The following LGR6 variants were observed in gnomAD, a reference collection of about 807,000 sequenced individuals.
LGR6 encodes the protein leucine-rich repeat-containing G protein-coupled receptor 6.
LGR6 carries 45 observed loss-of-function variants against 69.4 expected under a neutral mutation model. The ratio of observed to expected loss-of-function variants is 0.65; its 90% CI spans 0.51 to 0.83. LGR6 has a LOEUF of 0.83. Among genes scored for constraint, LGR6 ranks in the 40% least tolerant of loss-of-function variants. LGR6 has a pLI of 0.00. For missense variants in LGR6, 1,108 were observed against 1,246.7 expected, an observed-to-expected ratio of 0.89 and a Z score of 1.68; for synonymous variants, 538 against 555.0, an observed-to-expected ratio of 0.97 and a Z score of 0.43.
At chr1:202,269,911 T>G (rs1029344368) in intron 4 of LGR6, among the ~76,000 whole-genome samples, 1 of 152,000 alleles carries the variant, frequency 6.6e-6, no homozygotes, top group African/African-American at 2.4e-5. Context: ...TTTGCACGAG[T>G]GATTGCTTTT....
At chr1:202,282,372 A>G (rs1666078140) in intron 6 of LGR6, among the ~76,000 whole-genome samples, 1 of 152,176 alleles carries the variant, frequency 6.6e-6, no homozygotes, top group Non-Finnish European at 1.5e-5. Flanking sequence ...GGGTGCATTA[A>G]TGAGAAAACA....
At chr1:202,228,888 A>C (rs1660781102) in intron 3 of LGR6, among the ~76,000 whole-genome samples, 1 of 152,124 alleles carries the variant, frequency 6.6e-6, no homozygotes, top group African/African-American at 2.4e-5. Flanking sequence ...TAAAGTGGTG[A>C]GTCATTCCCA....
rs937668924 is a variant in LGR6, at chr1:202,268,060, G to A, written c.429-8246G>A. Among the ~76,000 whole-genome samples the A allele has an allele frequency of 1.8e-4, 27 of 152,156 alleles. No homozygotes were observed. The highest frequency in any genetic ancestry group is 4.8e-4 in the African/African-American group (20 of 41,434). On this transcript the variant is annotated intron_variant, in intron 4 of 17. Coordinates refer to ENST00000367278, the MANE Select transcript of LGR6 (RefSeq NM_001017403.2). The surrounding 1 kb of genome is among the most constrained non-coding windows in gnomAD (Gnocchi z 4.4). ...GAGAGGCTGGGAGGGGTGTCAGTCC[G>A]CGGGAAGGCAGAAGCTCATGAGCAT... is the stretch of plus-strand genomic sequence containing the variant.
chr1:202,302,140 C>T (rs964361019), intron 9 of LGR6, among the ~76,000 whole-genome samples: 5 of 152,146 alleles, frequency 3.3e-5, no homozygotes, highest in African/African-American at 1.2e-4. Flanking sequence ...TGCAGTGAGC[C>T]AAGACTCAGT....
chr1:202,310,810 A>C (rs529386075), intron 16 of LGR6, among the ~76,000 whole-genome samples: 2 of 152,184 alleles, frequency 1.3e-5, no homozygotes, highest in Non-Finnish European at 2.9e-5. Context: ...CCCTCATAAT[A>C]TGTCCTAGAA....
Position 202,303,356 on chromosome 1 carries a change from C to T in LGR6, c.998+9C>T, listed in dbSNP as rs1667746889. 4.4e-6 allele frequency: 7 copies of T among 1,608,440 alleles called. No homozygotes were observed. Among genetic ancestry groups the T allele is most frequent in the Non-Finnish European group, 6.0e-6 (7 of 1,174,816 alleles). The stretch of plus-strand genomic sequence containing the variant: ...ACCAGCCTGGAGATCCTGTGAGTGG[C>T]TTCTCTCTCCCTACCTTATCTATCG... On this transcript the variant is annotated intron_variant, in intron 10 of 17. Coordinates refer to ENST00000367278, the MANE Select transcript of LGR6 (RefSeq NM_001017403.2).
At chr1:202,289,308 C>T (rs538207152) in intron 6 of LGR6, among the ~76,000 whole-genome samples, 2 of 152,190 alleles carry the variant, frequency 1.3e-5, no homozygotes, top group Non-Finnish European at 2.9e-5. Context: ...TTAGATAGTT[C>T]TAGTACAAAC....
intron 6 of LGR6, among the ~76,000 whole-genome samples, chr1:202,294,973 C>G (rs984841771): frequency 6.6e-6 from 1 of 152,112 alleles, no homozygotes; most frequent in Non-Finnish European, 1.5e-5. Flanking sequence ...TATGGAATAG[C>G]AAGCAAAGTC....
intron 13 of LGR6, 68 bp from the exon 14 acceptor site, chr1:202,307,262 C>A: frequency 6.8e-7 from 1 of 1,461,942 alleles, no homozygotes; most frequent in Non-Finnish European, 9.6e-7. Context: ...TGAGGGGGAG[C>A]CCATGATGGG....
chr1:202,260,398 A>G (rs1285892212), intron 4 of LGR6, among the ~76,000 whole-genome samples: 3 of 150,258 alleles, frequency 2.0e-5, no homozygotes, highest in African/African-American at 7.4e-5. Flanking sequence ...CAGTGGCACA[A>G]TCTTGGCTCC....
At chr1:202,237,822 G>C (rs896107108) in intron 4 of LGR6, among the ~76,000 whole-genome samples, 5 of 152,166 alleles carry the variant, frequency 3.3e-5, no homozygotes, top group Non-Finnish European at 7.3e-5. Flanking sequence ...TGGCCTGTGT[G>C]ACAGAAAATG....
At chr1:202,314,110 A>G (rs546177253) in intron 16 of LGR6, among the ~76,000 whole-genome samples, 1 of 152,292 alleles carries the variant, frequency 6.6e-6, no homozygotes, top group South Asian at 2.1e-4. Flanking sequence ...AGGAAGTAGT[A>G]GAGTGTCTCC....
At chr1:202,293,594 G>A (rs1666947835) in intron 6 of LGR6, among the ~76,000 whole-genome samples, 1 of 152,092 alleles carries the variant, frequency 6.6e-6, no homozygotes, top group African/African-American at 2.4e-5. Flanking sequence ...TCATTGCACT[G>A]AGTTGAATCC....
At chr1:202,260,027 C>T (rs1340369782) in intron 4 of LGR6, among the ~76,000 whole-genome samples, 1 of 152,140 alleles carries the variant, frequency 6.6e-6, no homozygotes, top group Non-Finnish European at 1.5e-5. Flanking sequence ...AGAAGAATTC[C>T]CCATTATCTC....
chr1:202,280,151 A>G (rs1665893424), intron 5 of LGR6, among the ~76,000 whole-genome samples: 1 of 152,026 alleles, frequency 6.6e-6, no homozygotes, highest in Admixed American at 6.6e-5. Context: ...AGCTCTGTCC[A>G]GTTGTTCAAG....
At chr1:202,195,746 C>G (rs1276674469) in intron 1 of LGR6, among the ~76,000 whole-genome samples, 2 of 152,152 alleles carry the variant, frequency 1.3e-5, no homozygotes, top group African/African-American at 2.4e-5. Context: ...TTCTGTGGAG[C>G]CTTTCTCTGG....
intron 15 of LGR6, among the ~76,000 whole-genome samples, chr1:202,309,834 G>A (rs1008663514): frequency 5.3e-5 from 8 of 152,244 alleles, no homozygotes; most frequent in African/African-American, 1.9e-4. Context: ...AAGAGGAGGT[G>A]TTGCCTGGGA....
chr1:202,214,433 G>GGGGCGGGCAGGGGCACGGCC (rs1659623952), intron 1 of LGR6, among the ~76,000 whole-genome samples: 1 of 145,072 alleles, frequency 6.9e-6, no homozygotes, highest in Non-Finnish European at 1.5e-5. Context: ...GGCGCGGGCA[G>GGGGCGGGCAGGGGCACGGCC]GGGCGGGCAG....
At chr1:202,204,344 AC>A (rs1476727056) in intron 1 of LGR6, among the ~76,000 whole-genome samples, 4 of 111,260 alleles carry the variant, frequency 3.6e-5, no homozygotes, top group African/African-American at 7.2e-5. Flanking sequence ...ACACACCTCC[AC>A]ACACACACAC....
Sources: allele counts gnomAD v4.1 joint callset (sites outside exome capture counted in the v4.1 genomes callset), GRCh38; gene constraint gnomAD v4.1.1; non-coding constraint Gnocchi (gnomAD v3.1); transcripts MANE v1.5; gene names NCBI Gene and HGNC (gene_info 2026-07-23, HGNC 2026-07-21).